Variants in SPOCK3 observed in about 807,000 individuals in gnomAD.
SPOCK3 encodes SPARC (osteonectin), cwcv and kazal like domains proteoglycan 3.
In SPOCK3, 30 loss-of-function variants were observed where a neutral mutation model predicts 56.6. The ratio of observed to expected loss-of-function variants is 0.53; its 90% CI spans 0.40 to 0.72. SPOCK3 has a LOEUF of 0.72. Ranked by LOEUF, SPOCK3 falls within the 30% of genes least tolerant of loss-of-function variation. SPOCK3 has a pLI of 0.00. For missense variants in SPOCK3, 527 were observed against 530.0 expected (o/e 0.99, Z 0.06); for synonymous variants, 196 against 183.3 (o/e 1.07, Z -0.56).
At position 166,931,045 on chromosome 4, in the gene SPOCK3, G is replaced by A. The variant is rs143965153; in HGVS notation, c.351-18302C>T. Among the ~76,000 whole-genome samples the A allele has an allele frequency of 1.2e-3, 186 of 152,112 alleles. 4 individuals carry two copies. The highest frequency in any genetic ancestry group is 9.6e-3 in the Admixed American group (146 of 15,282). ...TCGCCAAGCTGGAGTGCAGTGGTGC[G>A]ATCTCAGCTCACTGCAACCTCCACT... On this transcript the variant is annotated intron_variant, in intron 4 of 10. Coordinates refer to ENST00000357545, the MANE Select transcript of SPOCK3 (RefSeq NM_001040159.2).
chr4:166,768,118 C>T (rs878951837), intron 7 of SPOCK3, among the ~76,000 whole-genome samples: 2 of 152,012 alleles, frequency 1.3e-5, no homozygotes, highest in African/African-American at 4.8e-5. Context: ...ATACAGCACA[C>T]TGATGGGTCT....
At chr4:166,953,602 T>C (rs1742992218) in intron 4 of SPOCK3, among the ~76,000 whole-genome samples, 1 of 152,186 alleles carries the variant, frequency 6.6e-6, no homozygotes, top group African/African-American at 2.4e-5. Context: ...CCCAAAGGAC[T>C]ATAAATCATG....
chr4:167,011,935 C>T (rs949021380), intron 3 of SPOCK3, among the ~76,000 whole-genome samples: 19 of 151,824 alleles, frequency 1.3e-4, no homozygotes, highest in African/African-American at 4.3e-4. Context: ...TATTTTATAT[C>T]TTTTTAATAT....
intron 7 of SPOCK3, among the ~76,000 whole-genome samples, chr4:166,778,748 G>A (rs935834368): frequency 6.6e-5 from 10 of 151,714 alleles, no homozygotes; most frequent in East Asian, 1.9e-4. Flanking sequence ...AAAGCAGGAA[G>A]GGTATGAAGA....
At chr4:167,059,992 G>T (rs1334632648) in intron 3 of SPOCK3, among the ~76,000 whole-genome samples, 1 of 150,928 alleles carries the variant, frequency 6.6e-6, no homozygotes, top group Non-Finnish European at 1.5e-5. Context: ...TCTCACTCTG[G>T]GACTGTTGTG....
intron 2 of SPOCK3, among the ~76,000 whole-genome samples, chr4:167,074,612 A>G (rs1757005098): frequency 6.6e-6 from 1 of 151,908 alleles, no homozygotes; most frequent in South Asian, 2.1e-4. Context: ...TGATTTCAAA[A>G]TGACATCCTA....
At chr4:166,855,026 G>T (rs1230954627) in intron 6 of SPOCK3, among the ~76,000 whole-genome samples, 3 of 152,072 alleles carry the variant, frequency 2.0e-5, no homozygotes, top group Non-Finnish European at 4.4e-5. Context: ...TCCTTTATCT[G>T]CCTAAGATCC....
rs529810407 is a variant in SPOCK3, at chr4:167,217,453, G to C, written c.189+16532C>G. On this transcript the variant is annotated intron_variant, in intron 2 of 10. Transcript: ENST00000357545. ...TGTATAAGGTATTATAAGTACTCTA[G>C]AGGTAATTTAAAGTGTATTGGAGAA... 1.1e-4 allele frequency among the ~76,000 whole-genome samples: 16 copies of C among 152,036 alleles called. No homozygotes were observed. In the South Asian group the frequency reaches 3.3e-3, roughly 32 times the overall value.
chr4:167,109,093 ATAT>A (rs374457379), intron 2 of SPOCK3, among the ~76,000 whole-genome samples: 2,144 of 2,420 alleles, frequency 0.89, 960 homozygotes, highest in Middle Eastern at 1. Context: ...ATATATATAA[ATAT>A]TATATATTTA....
intron 2 of SPOCK3, among the ~76,000 whole-genome samples, chr4:167,163,495 T>G (rs1328471637): frequency 6.6e-6 from 1 of 152,024 alleles, no homozygotes; most frequent in African/African-American, 2.4e-5. Flanking sequence ...TGACTATAGT[T>G]GGCCTGTTGT....
chr4:167,166,298 A>G (rs995683447), intron 2 of SPOCK3, among the ~76,000 whole-genome samples: 2 of 152,116 alleles, frequency 1.3e-5, no homozygotes, highest in African/African-American at 4.8e-5. Flanking sequence ...CAAGAAATTA[A>G]AACATAACTG....
intron 2 of SPOCK3, among the ~76,000 whole-genome samples, chr4:167,121,586 A>G (rs1761870955): frequency 6.6e-6 from 1 of 152,160 alleles, no homozygotes; most frequent in Non-Finnish European, 1.5e-5. Context: ...AGATAGTGGA[A>G]GGCAAAATTT....
intron 6 of SPOCK3, among the ~76,000 whole-genome samples, chr4:166,877,769 T>G (rs1733246820): frequency 6.6e-6 from 1 of 152,164 alleles, no homozygotes; most frequent in Admixed American, 6.5e-5. Context: ...ACAACTTCAT[T>G]ACAAGTGATT....
chr4:167,145,213 T>C (rs948408416), intron 2 of SPOCK3, among the ~76,000 whole-genome samples: 4 of 151,938 alleles, frequency 2.6e-5, no homozygotes, highest in African/African-American at 9.7e-5. Flanking sequence ...TTGAATAAAG[T>C]AAAAGAAGAG....
At chr4:167,215,624 G>A (rs1735285495) in intron 2 of SPOCK3, among the ~76,000 whole-genome samples, 1 of 152,160 alleles carries the variant, frequency 6.6e-6, no homozygotes, top group Non-Finnish European at 1.5e-5. Context: ...AAGAATGCAT[G>A]AAAGAGGAAA....
At chr4:167,216,919 C>T (rs1216591374) in intron 2 of SPOCK3, among the ~76,000 whole-genome samples, 1 of 151,898 alleles carries the variant, frequency 6.6e-6, no homozygotes, top group Admixed American at 6.6e-5. Context: ...TATTATGTTG[C>T]AAAAGTAAAC....
chr4:167,113,286 C>A (rs1458000523), intron 2 of SPOCK3, among the ~76,000 whole-genome samples: 1 of 152,026 alleles, frequency 6.6e-6, no homozygotes, highest in African/African-American at 2.4e-5. Flanking sequence ...TACACAGTAA[C>A]CTAACATTTT....
chr4:167,197,707 C>T (rs1376685990), intron 2 of SPOCK3, among the ~76,000 whole-genome samples: 1 of 152,082 alleles, frequency 6.6e-6, no homozygotes, highest in East Asian at 1.9e-4. Context: ...CCCCAATTAG[C>T]TATTTCCACT....
intron 2 of SPOCK3, among the ~76,000 whole-genome samples, chr4:167,151,727 G>A (rs1284232317): frequency 1.3e-5 from 2 of 152,078 alleles, no homozygotes; most frequent in Non-Finnish European, 2.9e-5. Context: ...GAGCCACCAC[G>A]CCCAGCCTCA....
Sources: allele counts gnomAD v4.1 joint callset (sites outside exome capture counted in the v4.1 genomes callset), GRCh38; gene constraint gnomAD v4.1.1; transcripts MANE v1.5; gene names NCBI Gene and HGNC (gene_info 2026-07-23, HGNC 2026-07-21).